The following SYNE2 variants were observed in gnomAD, a reference collection of about 807,000 sequenced individuals.
SYNE2 encodes nesprin-2.
SYNE2 carries 431 observed loss-of-function variants against 856.3 expected under a neutral mutation model. The observed-to-expected ratio is 0.50, with a 90% CI of 0.47 to 0.55. The LOEUF (loss-of-function observed/expected upper bound fraction) is 0.55, where lower values mean the gene tolerates loss of function less well. Ranked by LOEUF, SYNE2 falls within the 20% of genes least tolerant of loss-of-function variation. The pLI is 0.00. For missense variants in SYNE2, 8,129 were observed against 8,023.2 expected (o/e 1.01, Z -0.50); for synonymous variants, 2,923 against 2,872.3 (o/e 1.02, Z -0.56).
chr14:63,838,557 G>A (rs906805721), intron 1 of SYNE2, among the ~76,000 whole-genome samples: 6 of 151,646 alleles, frequency 4.0e-5, no homozygotes, highest in Admixed American at 1.3e-4. Flanking sequence ...CTGTGTCACC[G>A]AGGCTGGAAT....
rs749405307 is a variant in SYNE2, at chr14:64,087,486, A to AC, written c.11485-185_11485-184insC. ...GTTTCTTATTATGTTACAGTTATAC[A>AC]GGTAGATACTCTGAAGTCTTTCACT... is the stretch of plus-strand genomic sequence containing the variant. On this transcript the variant is annotated intron_variant, in intron 57 of 115. Coordinates refer to ENST00000555002, the MANE Select transcript of SYNE2 (RefSeq NM_182914.3). The AC allele has an allele frequency of 1.3e-5, 10 of 765,758 alleles. No individual in the cohort carries two copies. In the South Asian group the frequency reaches 1.4e-4, roughly 10 times the overall value. The allele number at this position is 765,758 out of a possible 1,614,324, so 47.4% of individuals were successfully genotyped here. A position where few individuals can be genotyped will look rare whatever the true frequency, so the allele number is the denominator to read the frequency against.
At chr14:64,156,856 T>C (rs2098290598) in intron 85 of SYNE2, among the ~76,000 whole-genome samples, 1 of 152,240 alleles carries the variant, frequency 6.6e-6, no homozygotes, top group Non-Finnish European at 1.5e-5. Flanking sequence ...AACATGAGAC[T>C]CACATTTTAG....
chr14:63,841,277 G>A (rs1890058750), intron 1 of SYNE2, among the ~76,000 whole-genome samples: 1 of 152,148 alleles, frequency 6.6e-6, no homozygotes. Flanking sequence ...CTGGAAAGAA[G>A]GGGCCAAGTA....
chr14:63,948,043 C>T (rs2096063111), intron 6 of SYNE2, among the ~76,000 whole-genome samples: 1 of 151,898 alleles, frequency 6.6e-6, no homozygotes, highest in Admixed American at 6.6e-5. Context: ...GTAAGTTGTC[C>T]AACTTATTCT....
At chr14:63,862,918 C>T (rs1223030685) in intron 1 of SYNE2, among the ~76,000 whole-genome samples, 4 of 152,048 alleles carry the variant, frequency 2.6e-5, no homozygotes, top group Non-Finnish European at 5.9e-5. Context: ...CTGCCTCAGC[C>T]TCCTGAGTAG....
At chr14:63,957,148 T>C (rs1233686080) in intron 8 of SYNE2, among the ~76,000 whole-genome samples, 3 of 151,732 alleles carry the variant, frequency 2.0e-5, no homozygotes, top group African/African-American at 7.3e-5. Flanking sequence ...GAGTCTTCGC[T>C]GTGTTGCCCA....
intron 89 of SYNE2, 38 bp from the exon 90 acceptor site, chr14:64,165,247 A>G (rs1567518685): frequency 3.7e-6 from 6 of 1,604,780 alleles, no homozygotes; most frequent in Admixed American, 1.7e-5. Flanking sequence ...TTATATGTAC[A>G]TGAAAATAGT....
At chr14:63,977,766 C>T (rs1237128686) in intron 12 of SYNE2, 139 bp from the exon 13 acceptor site, 1 of 677,574 alleles carries the variant, frequency 1.5e-6, no homozygotes, top group African/African-American at 1.8e-5. Flanking sequence ...TGTCTTAAAA[C>T]AATAAAAAAA....
At chr14:63,766,794 G>A (rs1886703832) in intron 1 of SYNE2, among the ~76,000 whole-genome samples, 1 of 152,138 alleles carries the variant, frequency 6.6e-6, no homozygotes, top group South Asian at 2.1e-4. Context: ...TGGGGAGAGA[G>A]GGACAAAAGG....
intron 96 of SYNE2, among the ~76,000 whole-genome samples, chr14:64,177,854 G>T (rs1401583661): frequency 6.6e-6 from 1 of 152,152 alleles, no homozygotes; most frequent in Non-Finnish European, 1.5e-5. Context: ...TATGACTAAA[G>T]AATTCATTTT....
Position 64,141,334 on chromosome 14 carries a change from C to T in SYNE2, c.14977-7C>T. On this transcript the variant is annotated splice_region_variant and splice_polypyrimidine_tract_variant and intron_variant, in intron 80 of 115. Coordinates refer to ENST00000555002, the MANE Select transcript of SYNE2 (RefSeq NM_182914.3). Reference sequence around the variant, plus strand: ...TTAAGTTTCTAAATTTTAAAACTCTCCTTTAGGAGTTTTCAAAAGAAGTTG... The same window carrying T: ...TTAAGTTTCTAAATTTTAAAACTCTTCTTTAGGAGTTTTCAAAAGAAGTTG... 1 of 1,611,696 alleles carries T rather than the reference C, an allele frequency of 6.2e-7. No homozygotes were observed. Among genetic ancestry groups the T allele is most frequent in the South Asian group, 1.1e-5 (1 of 90,490 alleles).
chr14:64,215,691 G>C (rs1331776151), intron 107 of SYNE2: 2 of 454,594 alleles, frequency 4.4e-6, no homozygotes, highest in Non-Finnish European at 7.9e-6. Flanking sequence ...GGCTTGGTTT[G>C]GAACTGTTTC....
chr14:64,124,955 A>G (rs2097927574), intron 70 of SYNE2, 124 bp from the exon 71 acceptor site: 1 of 1,198,096 alleles, frequency 8.3e-7, no homozygotes, highest in Non-Finnish European at 1.2e-6. Context: ...GTGAGAGGAG[A>G]TCATGCCACT....
chr14:64,004,384 G>T (rs2096779527), intron 30 of SYNE2, among the ~76,000 whole-genome samples: 1 of 151,612 alleles, frequency 6.6e-6, no homozygotes. Context: ...AGGCTTGGGT[G>T]CAGTGGCATG....
intron 1 of SYNE2, among the ~76,000 whole-genome samples, chr14:63,805,079 A>G (rs1192352484): frequency 6.6e-6 from 1 of 152,126 alleles, no homozygotes; most frequent in Non-Finnish European, 1.5e-5. Context: ...CTGGGTCCTC[A>G]AACCTGTTTC....
chr14:63,911,329 T>A (rs1271423268), intron 2 of SYNE2, among the ~76,000 whole-genome samples: 2 of 152,190 alleles, frequency 1.3e-5, no homozygotes, highest in African/African-American at 4.8e-5. Flanking sequence ...TAGGCTGAGA[T>A]AACGTGCTCC....
In SYNE2 at chr14:64,097,954, A is replaced by C. The variant is rs770983401; in HGVS notation, c.12114A>C (p.Glu4038Asp). 6.2e-7 allele frequency: 1 copy of C among 1,614,244 alleles called. No homozygotes were observed. Among genetic ancestry groups the C allele is most frequent in the Non-Finnish European group, 8.5e-7 (1 of 1,180,040 alleles). Residue 4038 changes from glutamate to aspartate, a missense_variant, in exon 62 of 116, where the codon GAA (glutamate) becomes GAC (aspartate). Around this residue, in one of 3 missense-constraint regions of SYNE2, gnomAD observed 5,410 missense variants for 5,284.8 expected, o/e 1.02. Coordinates refer to ENST00000555002, the MANE Select transcript of SYNE2 (RefSeq NM_182914.3). ...CAAACACTCTTTCTACACAGGGAGA[A>C]ATCGAACGTATGGAGAAACAGATTC... ...QADKLPQLQGEIERMEKQILS... is the reference protein window; with the variant it reads ...QADKLPQLQGDIERMEKQILS...
At chr14:63,827,625 C>CAAAA (rs11334415) in intron 1 of SYNE2, among the ~76,000 whole-genome samples, 370 of 28,206 alleles carry the variant, frequency 0.013, 7 homozygotes, top group East Asian at 0.035. Context: ...AACTCTGTCT[C>CAAAA]AAAAAAAAAA....
intron 32 of SYNE2, among the ~76,000 whole-genome samples, chr14:64,015,814 A>G (rs2096888072): frequency 6.6e-6 from 1 of 151,996 alleles, no homozygotes; most frequent in African/African-American, 2.4e-5. Flanking sequence ...TTTTTAATGT[A>G]TGCATTTAGT....
Sources: allele counts gnomAD v4.1 joint callset (sites outside exome capture counted in the v4.1 genomes callset), GRCh38; gene constraint gnomAD v4.1.1; regional missense constraint gnomAD v4.1.1; transcripts MANE v1.5; gene names NCBI Gene and HGNC (gene_info 2026-07-23, HGNC 2026-07-21).